PARP6: variants seen among roughly 807,000 people sequenced by gnomAD.
PARP6 encodes poly(ADP-ribose) polymerase family member 6.
Under a neutral mutation model 92.0 loss-of-function variants are expected in PARP6, and 27 were observed. That is an observed-to-expected ratio of 0.29 (90% CI 0.22 to 0.40). The LOEUF (loss-of-function observed/expected upper bound fraction) is 0.40. Ranked by LOEUF, PARP6 falls within the 10% of genes least tolerant of loss-of-function variation. PARP6 has a pLI of 1.00. For missense variants in PARP6, 501 were observed against 784.5 expected (o/e 0.64, Z 4.32); for synonymous variants, 272 against 281.2 (o/e 0.97, Z 0.33).
intron 9 of PARP6, 77 bp downstream of exon 9, chr15:72,261,480 AC>A: frequency 7.8e-7 from 1 of 1,286,028 alleles, no homozygotes; most frequent in South Asian, 1.3e-5. Context: ...GGGGATAGAA[AC>A]ATTTATGTAA....
chr15:72,266,947 T>A, intron 3 of PARP6, 125 bp from the exon 4 acceptor site: 1 of 745,134 alleles, frequency 1.3e-6, no homozygotes, highest in South Asian at 1.6e-5. Flanking sequence ...ACTGAAGCCC[T>A]GATCCCTTTA....
At chr15:72,256,400 C>A in intron 14 of PARP6, 65 bp downstream of exon 14, 1 of 1,329,710 alleles carries the variant, frequency 7.5e-7, no homozygotes, top group Non-Finnish European at 9.9e-7. Context: ...AGAATGTCAG[C>A]CCATAGTCTG....
In PARP6 at chr15:72,261,713, G is replaced by T; in HGVS notation, c.396-6C>A. On this transcript the variant is annotated splice_region_variant and splice_polypyrimidine_tract_variant and intron_variant, in intron 8 of 23. Transcript: ENST00000569795. ...ATGTAAACATACCCAGGATCCTGAG[G>T]GATCAAAAAGAATGAGCTTAGGCAA... The T allele has an allele frequency of 6.2e-7, 1 of 1,613,492 alleles. No homozygotes were observed.
chr15:72,257,494 AG>A, intron 12 of PARP6, 54 bp from the exon 13 acceptor site: 3 of 1,398,208 alleles, frequency 2.1e-6, no homozygotes, highest in Admixed American at 1.7e-5. Context: ...AATAAGGTGT[AG>A]GCAGAGAGGG....
intron 10 of PARP6, 102 bp downstream of exon 10, chr15:72,260,376 G>T: frequency 2.2e-6 from 2 of 896,608 alleles, no homozygotes; most frequent in Non-Finnish European, 1.8e-6. Flanking sequence ...GATTTATGAT[G>T]CCTAGACAAC....
intron 14 of PARP6, among the ~76,000 whole-genome samples, chr15:72,256,006 C>G (rs1360494842): frequency 1.3e-5 from 2 of 151,628 alleles, no homozygotes; most frequent in Non-Finnish European, 2.9e-5. Context: ...ACCATGTTAG[C>G]CAGGATGGTC....
intron 8 of PARP6, 67 bp downstream of exon 8, chr15:72,264,488 T>G: frequency 2.6e-6 from 3 of 1,161,176 alleles, no homozygotes; most frequent in Non-Finnish European, 2.6e-6. Flanking sequence ...TGCCTGTCCA[T>G]CCATATATTT....
intron 15 of PARP6, 24 bp downstream of exon 15, chr15:72,254,431 G>A (rs559715107): frequency 1.3e-6 from 2 of 1,569,166 alleles, no homozygotes; most frequent in South Asian, 1.1e-5. Context: ...GCAAAGGAGA[G>A]GGGACAGAGA....
chr15:72,262,208 C>T (rs2085983503), intron 8 of PARP6, among the ~76,000 whole-genome samples: 1 of 152,128 alleles, frequency 6.6e-6, no homozygotes, highest in South Asian at 2.1e-4. Context: ...TTCACTTGTC[C>T]TTGATCAGTT....
chr15:72,255,119 C>A (rs2084895316), intron 14 of PARP6, among the ~76,000 whole-genome samples: 2 of 152,082 alleles, frequency 1.3e-5, no homozygotes, highest in South Asian at 4.1e-4. Context: ...TGTAGGTATT[C>A]CTCCTGCCTG....
At chr15:72,244,804 A>C (rs1421264193) in intron 20 of PARP6, 1 of 152,244 alleles carries the variant, frequency 6.6e-6, no homozygotes, top group Non-Finnish European at 1.5e-5. Flanking sequence ...CTGTCAGTCT[A>C]ATATAGTGTA....
At chr15:72,262,974 T>A (rs1402302626) in intron 8 of PARP6, among the ~76,000 whole-genome samples, 1 of 152,234 alleles carries the variant, frequency 6.6e-6, no homozygotes, top group Non-Finnish European at 1.5e-5. Flanking sequence ...CATTGATGCA[T>A]ATCTTCAACC....
rs767851776 is a variant in PARP6, at chr15:72,242,791, G to A, written c.1562-92C>T. ...ACTGAGCTAGATGCTCATCAAAACA[G>A]CAGAGAATAAAACAAAGAAGATTAT... is the stretch of plus-strand genomic sequence containing the variant. On this transcript the variant is annotated intron_variant, in intron 20 of 23. Transcript: ENST00000569795. This position sits in a 1 kb window ranked among gnomAD's most constrained non-coding sequence, Gnocchi z 4.3. 10 of 728,646 alleles carry A rather than the reference G, an allele frequency of 1.4e-5. No homozygotes were observed. Among genetic ancestry groups the A allele is most frequent in the East Asian group, 2.6e-5 (1 of 38,946 alleles). 45.1% of individuals were successfully genotyped at this position (728,646 alleles called of 1,614,324 possible). A position where few individuals can be genotyped will look rare whatever the true frequency, so the allele number is the denominator to read the frequency against.
Position 72,260,469 on chromosome 15 carries a change from C to A in PARP6, c.756+9G>T. On this transcript the variant is annotated intron_variant, in intron 10 of 23. Coordinates refer to ENST00000569795, the MANE Select transcript of PARP6 (RefSeq NM_001323532.2). The stretch of plus-strand genomic sequence containing the variant: ...GATAGCCAAGTCAAACCCTCCCCAG[C>A]CCATGTACCAAAGGAGAGGTCCGTG... 1.9e-6 allele frequency: 3 copies of A among 1,609,476 alleles called. No homozygotes were observed. The highest frequency in any genetic ancestry group is 1.7e-6 in the Non-Finnish European group (2 of 1,176,072).
intron 15 of PARP6, chr15:72,253,790 T>G (rs1373609693): frequency 1.8e-6 from 1 of 569,628 alleles, no homozygotes; most frequent in Admixed American, 2.2e-5. Flanking sequence ...AATCAAAAAA[T>G]AAATAAAATC....
In PARP6 at chr15:72,242,820, C is replaced by T; in HGVS notation, c.1562-121G>A. 2 of 655,886 alleles carry T rather than the reference C, an allele frequency of 3.0e-6. No homozygotes were observed. Among genetic ancestry groups the T allele is most frequent in the African/African-American group, 1.8e-5 (1 of 54,708 alleles). 40.6% of individuals were successfully genotyped at this position (655,886 alleles called of 1,614,324 possible). ...AGAATAAAACAAAGAAGATTATTTT[C>T]CCCCACAGAATTTAGTCTGCTGGAA... On this transcript the variant is annotated intron_variant, in intron 20 of 23. Transcript: ENST00000569795. The surrounding 1 kb of genome is among the most constrained non-coding windows in gnomAD (Gnocchi z 4.3).
intron 15 of PARP6, 31 bp from the exon 16 acceptor site, chr15:72,253,535 T>C (rs1426166): frequency 1 from 1,586,097 of 1,586,508 alleles, 792,845 homozygotes; most frequent in South Asian, 1. Flanking sequence ...CGTTATCTCC[T>C]TGGAGAGGTG....
At chr15:72,245,070 C>A (rs537682938) in intron 20 of PARP6, 113 of 152,374 alleles carry the variant, frequency 7.4e-4, no homozygotes, top group Non-Finnish European at 1.3e-3. Context: ...CTGGAAAAAC[C>A]TGCCCCCATG....
chr15:72,261,389 GAGT>G (rs2141044718), intron 9 of PARP6, among the ~76,000 whole-genome samples, 166 bp downstream of exon 9: 1 of 152,016 alleles, frequency 6.6e-6, no homozygotes, highest in South Asian at 2.1e-4. Context: ...CTTGGATAAG[GAGT>G]AGAAAGGTAA....
Sources: gnomAD v4.1 joint callset for allele counts (sites outside exome capture counted in the v4.1 genomes callset) on GRCh38, gnomAD v4.1.1 for gene constraint, Gnocchi (gnomAD v3.1) non-coding constraint, MANE v1.5 for transcripts, NCBI Gene and HGNC (gene_info 2026-07-23, HGNC 2026-07-21) for gene names.